The following BCAS3 variants were observed in gnomAD, a reference collection of about 807,000 sequenced individuals.
BCAS3 encodes the protein BCAS3 microtubule associated cell migration factor.
BCAS3 carries 53 observed loss-of-function variants against 116.1 expected under a neutral mutation model. The observed-to-expected ratio is 0.46, with a 90% CI of 0.37 to 0.57. BCAS3 has a LOEUF of 0.57. Ranked by LOEUF, BCAS3 falls within the 20% of genes least tolerant of loss-of-function variation. The probability of loss-of-function intolerance (pLI) is 0.00; values close to 1 mark genes in which losing one functional copy is unlikely to be tolerated. For synonymous variants in BCAS3, 391 were observed against 408.2 expected (o/e 0.96, Z 0.51); for missense variants, 917 against 1,165.4 (o/e 0.79, Z 3.10).
In BCAS3 at chr17:61,278,293, G is replaced by A. The variant is rs968010587; in HGVS notation, c.2426-90034G>A. Reference sequence around the variant, plus strand: ...CCTGACCTTGTGATCCGCCTGCCTCGGCCTCTCAAAGTGCTGGGATTACAG... The same window carrying A: ...CCTGACCTTGTGATCCGCCTGCCTCAGCCTCTCAAAGTGCTGGGATTACAG... On this transcript the variant is annotated intron_variant, in intron 22 of 23. Transcript: ENST00000407086. The surrounding 1 kb of genome is among the most constrained non-coding windows in gnomAD (Gnocchi z 5.8). 4.6e-5 allele frequency among the ~76,000 whole-genome samples: 7 copies of A among 152,022 alleles called. No individual in the cohort carries two copies. The highest frequency in any genetic ancestry group is 1.0e-4 in the Non-Finnish European group (7 of 67,998).
intron 22 of BCAS3, among the ~76,000 whole-genome samples, chr17:61,158,015 T>G (rs1434814639): frequency 6.6e-6 from 1 of 152,232 alleles, no homozygotes; most frequent in Non-Finnish European, 1.5e-5. Flanking sequence ...GTATGACTAG[T>G]TTTCTGTTTG....
rs1339893547 is a variant in BCAS3, at chr17:61,015,741, C to T, written c.1487-10C>T. Reference sequence around the variant, plus strand: ...CTCAGTGATGCTTTTCTTTATTTTTCTCTTTGTAGGGAAACTGAACAGCCA... The same window carrying T: ...CTCAGTGATGCTTTTCTTTATTTTTTTCTTTGTAGGGAAACTGAACAGCCA... On this transcript the variant is annotated splice_polypyrimidine_tract_variant and intron_variant, in intron 15 of 23. Coordinates refer to ENST00000407086, the MANE Select transcript of BCAS3 (RefSeq NM_017679.5). The T allele has an allele frequency of 1.9e-6, 3 of 1,613,560 alleles. No homozygotes were observed. Among genetic ancestry groups the T allele is most frequent in the Admixed American group, 3.3e-5 (2 of 59,986 alleles).
intron 12 of BCAS3, 133 bp downstream of exon 12, chr17:60,910,835 G>A: frequency 1.2e-6 from 1 of 836,192 alleles, no homozygotes; most frequent in Non-Finnish European, 1.7e-6. Flanking sequence ...TTTCAAATGA[G>A]GTTTTTCTTT....
At chr17:60,692,883 A>G (rs2035046771) in intron 4 of BCAS3, among the ~76,000 whole-genome samples, 1 of 149,118 alleles carries the variant, frequency 6.7e-6, no homozygotes, top group African/African-American at 2.5e-5. Context: ...CGACAGAGAG[A>G]TATCCTTTCT....
At chr17:60,817,647 A>G (rs1045793934) in intron 7 of BCAS3, among the ~76,000 whole-genome samples, 1 of 152,132 alleles carries the variant, frequency 6.6e-6, no homozygotes, top group African/African-American at 2.4e-5. Flanking sequence ...TGGTGGGAAA[A>G]AATTCTTGTA....
At chr17:60,919,513 C>T (rs897466199) in intron 12 of BCAS3, among the ~76,000 whole-genome samples, 11 of 152,000 alleles carry the variant, frequency 7.2e-5, no homozygotes, top group South Asian at 2.1e-4. Context: ...TTAGTAGAGA[C>T]GAGGTTTCAC....
chr17:60,703,809 G>A (rs1303371395), intron 4 of BCAS3, among the ~76,000 whole-genome samples: 4 of 151,664 alleles, frequency 2.6e-5, no homozygotes, highest in African/African-American at 9.7e-5. Flanking sequence ...AGCTACTCGG[G>A]AGGCTGAGGC....
At position 61,203,607 on chromosome 17, in the gene BCAS3, A is replaced by C. The variant is rs1390130852; in HGVS notation, c.2425+119043A>C. ...ATGTATTACAGACTAGTTAGGGAGA[A>C]AAGTGATCAAAAAACACTTGATATT... On this transcript the variant is annotated intron_variant, in intron 22 of 23. Transcript: ENST00000407086. This position sits in a 1 kb window ranked among gnomAD's most constrained non-coding sequence, Gnocchi z 5.7. 2.6e-5 allele frequency among the ~76,000 whole-genome samples: 4 copies of C among 152,208 alleles called. No individual in the cohort carries two copies. Among genetic ancestry groups the C allele is most frequent in the Non-Finnish European group, 5.9e-5 (4 of 68,030 alleles).
In BCAS3 at chr17:61,281,090, C is replaced by A. The variant is rs1342421131; in HGVS notation, c.2426-87237C>A. On this transcript the variant is annotated intron_variant, in intron 22 of 23. Transcript: ENST00000407086. The surrounding 1 kb of genome is among the most constrained non-coding windows in gnomAD (Gnocchi z 4.2). ...ATCATTCCAAAGATATTCTGTGCATCCTTTTTTCTTTGCATCGAAAAAATA... is the reference window on the plus strand; with the variant it reads ...ATCATTCCAAAGATATTCTGTGCATACTTTTTTCTTTGCATCGAAAAAATA... Among the ~76,000 whole-genome samples, 2 of 151,590 alleles carry A rather than the reference C, an allele frequency of 1.3e-5. No individual in the cohort carries two copies. The highest frequency in any genetic ancestry group is 3.9e-4 in the East Asian group (2 of 5,156).
rs904573040 is a variant in BCAS3, at chr17:61,387,320, A to C, written c.2594-4657A>C. On this transcript the variant is annotated intron_variant, in intron 23 of 23. Transcript: ENST00000407086. The surrounding 1 kb of genome is among the most constrained non-coding windows in gnomAD (Gnocchi z 6.2). ...CATGCCCTTGCCTCCTCACAGACAAAGAGTGACCCCACCCCACCCCATCTC... is the reference window on the plus strand; with the variant it reads ...CATGCCCTTGCCTCCTCACAGACAACGAGTGACCCCACCCCACCCCATCTC... Among the ~76,000 whole-genome samples the C allele has an allele frequency of 6.6e-6, 1 of 152,160 alleles. No homozygotes were observed. The highest frequency in any genetic ancestry group is 2.1e-4 in the South Asian group (1 of 4,834).
At chr17:60,849,609 C>T (rs2052880919) in intron 7 of BCAS3, among the ~76,000 whole-genome samples, 2 of 152,138 alleles carry the variant, frequency 1.3e-5, no homozygotes, top group African/African-American at 4.8e-5. Flanking sequence ...TAACTTGTAG[C>T]TCAGGTTCAA....
chr17:61,225,608 A>C (rs2082331000), intron 22 of BCAS3, among the ~76,000 whole-genome samples: 1 of 152,162 alleles, frequency 6.6e-6, no homozygotes, highest in Admixed American at 6.5e-5. Context: ...TAATTATCTC[A>C]GTTTTAAGTT....
intron 7 of BCAS3, among the ~76,000 whole-genome samples, chr17:60,861,520 GA>G (rs1385020346): frequency 1.3e-5 from 2 of 152,108 alleles, no homozygotes; most frequent in Admixed American, 1.3e-4. Flanking sequence ...GGGACTTCCA[GA>G]ACTGTGTTGA....
chr17:60,985,592 G>T (rs1029321823), intron 14 of BCAS3, among the ~76,000 whole-genome samples: 1 of 151,960 alleles, frequency 6.6e-6, no homozygotes, highest in South Asian at 2.1e-4. Flanking sequence ...TCACCCTGTT[G>T]TGCTATCAAA....
chr17:61,044,764 G>T (rs2067888995), intron 19 of BCAS3, among the ~76,000 whole-genome samples: 1 of 151,318 alleles, frequency 6.6e-6, no homozygotes, highest in Admixed American at 6.6e-5. Context: ...TCAGTGAAAT[G>T]ATGCTAAAGT....
At chr17:61,322,468 C>T (rs1025384988) in intron 22 of BCAS3, among the ~76,000 whole-genome samples, 7 of 152,214 alleles carry the variant, frequency 4.6e-5, no homozygotes, top group Non-Finnish European at 1.0e-4. Flanking sequence ...AAGCCTTCCG[C>T]CCTCCTCTAA....
intron 15 of BCAS3, among the ~76,000 whole-genome samples, chr17:61,005,756 CT>C (rs869287886): frequency 1.2e-3 from 144 of 118,494 alleles, no homozygotes; most frequent in Admixed American, 1.9e-3. Flanking sequence ...TGTGGCTATA[CT>C]TTTTTTTTTT....
intron 4 of BCAS3, among the ~76,000 whole-genome samples, chr17:60,700,911 A>T (rs572482685): frequency 4.8e-4 from 73 of 152,232 alleles, no homozygotes; most frequent in Admixed American, 2.9e-3. Context: ...AAAAATAATG[A>T]CAGTTGTGAA....
intron 19 of BCAS3, among the ~76,000 whole-genome samples, chr17:61,050,286 A>C: frequency 6.6e-6 from 1 of 152,188 alleles, no homozygotes; most frequent in East Asian, 1.9e-4. Flanking sequence ...ATATTTTTCT[A>C]ATTTGTAAAA....
Sources: allele counts gnomAD v4.1 joint callset (sites outside exome capture counted in the v4.1 genomes callset), GRCh38; gene constraint gnomAD v4.1.1; non-coding constraint Gnocchi (gnomAD v3.1); transcripts MANE v1.5; gene names NCBI Gene and HGNC (gene_info 2026-07-23, HGNC 2026-07-21).